DLGAP2: variants seen among roughly 807,000 people sequenced by gnomAD.
DLGAP2 encodes the protein disks large-associated protein 2.
Under a neutral mutation model 100.3 loss-of-function variants are expected in DLGAP2, and 26 were observed. The ratio of observed to expected loss-of-function variants is 0.26; its 90% confidence interval spans 0.19 to 0.36. The LOEUF is 0.36. Among genes scored for constraint, DLGAP2 ranks in the 10% least tolerant of loss-of-function variants. DLGAP2 has a pLI of 1.00. For synonymous variants in DLGAP2, 886 were observed against 630.1 expected, an observed-to-expected ratio of 1.41 and a Z score of -6.08; for missense variants, 1,858 against 1,453.2, an observed-to-expected ratio of 1.28 and a Z score of -4.53.
At chr8:973,045 T>C (rs1314858506) in intron 2 of DLGAP2, among the ~76,000 whole-genome samples, 1 of 152,228 alleles carries the variant, frequency 6.6e-6, no homozygotes, top group African/African-American at 2.4e-5. Context: ...ATCAATCTGA[T>C]TTCTCTATCT....
intron 3 of DLGAP2, among the ~76,000 whole-genome samples, chr8:1,426,705 T>C (rs1392302154): frequency 1.3e-5 from 2 of 152,140 alleles, no homozygotes; most frequent in Non-Finnish European, 1.5e-5. Flanking sequence ...AGACCAACAA[T>C]AGATTCTTCG....
intron 2 of DLGAP2, among the ~76,000 whole-genome samples, chr8:908,420 C>T (rs1262589511): frequency 6.6e-6 from 1 of 152,138 alleles, no homozygotes; most frequent in Non-Finnish European, 1.5e-5. Context: ...TTCTGGAAAC[C>T]CCCAAGGTCT....
intron 2 of DLGAP2, among the ~76,000 whole-genome samples, chr8:1,036,545 T>C (rs1802130633): frequency 6.6e-6 from 1 of 152,026 alleles, no homozygotes; most frequent in African/African-American, 2.4e-5. Flanking sequence ...CAGGTGCTGG[T>C]GAGAGTGTTG....
chr8:1,242,592 C>G (rs1295811978), intron 2 of DLGAP2, among the ~76,000 whole-genome samples: 1 of 152,234 alleles, frequency 6.6e-6, no homozygotes, highest in Non-Finnish European at 1.5e-5. Flanking sequence ...CTCGCCTGAG[C>G]CCTCTGCGCC....
intron 2 of DLGAP2, among the ~76,000 whole-genome samples, chr8:1,160,599 C>G (rs542400127): frequency 2.0e-5 from 3 of 152,180 alleles, no homozygotes; most frequent in African/African-American, 7.2e-5. Context: ...CAACTTAGTT[C>G]TATGTACAGG....
In DLGAP2 at chr8:1,179,045, G is replaced by C. The variant is rs570209343; in HGVS notation, c.74-79806G>C. Among the ~76,000 whole-genome samples, 7 of 152,340 alleles carry C rather than the reference G, an allele frequency of 4.6e-5. No homozygotes were observed. In the East Asian group the frequency reaches 1.4e-3, roughly 29 times the overall value. On this transcript the variant is annotated intron_variant, in intron 2 of 14. Transcript: ENST00000637795. ...AAACTCCCAGCTTCTATAAGGGGTT[G>C]AGTTTTAAGAGCATGTGCACACTTA...
At chr8:814,886 A>G (rs1405606972) in intron 1 of DLGAP2, among the ~76,000 whole-genome samples, 2 of 151,572 alleles carry the variant, frequency 1.3e-5, no homozygotes, top group Admixed American at 6.6e-5. Context: ...AATACTATCA[A>G]CATTATAGCC....
intron 3 of DLGAP2, among the ~76,000 whole-genome samples, chr8:1,350,951 T>TGC: frequency 2.2e-5 from 3 of 135,256 alleles, no homozygotes; most frequent in African/African-American, 9.0e-5. Context: ...GTCCTGAGTG[T>TGC]GTGTGGAAAG....
chr8:1,143,618 G>A (rs1796558231), intron 2 of DLGAP2, among the ~76,000 whole-genome samples: 1 of 152,214 alleles, frequency 6.6e-6, no homozygotes, highest in Non-Finnish European at 1.5e-5. Flanking sequence ...CAGTTCTGCA[G>A]GCGGCATCTG....
intron 3 of DLGAP2, among the ~76,000 whole-genome samples, chr8:1,359,715 C>T (rs1801935682): frequency 6.6e-6 from 1 of 152,248 alleles, no homozygotes; most frequent in Admixed American, 6.5e-5. Flanking sequence ...TCTTATAAAA[C>T]CCGCGCGTTC....
chr8:1,418,285 T>C (rs771030656), intron 3 of DLGAP2, among the ~76,000 whole-genome samples: 4 of 152,232 alleles, frequency 2.6e-5, no homozygotes, highest in African/African-American at 9.6e-5. Flanking sequence ...TTAAATAGTA[T>C]GGTCTAAAAA....
chr8:1,519,050 GGAGC>G (rs1297856219), intron 4 of DLGAP2, among the ~76,000 whole-genome samples: 1 of 152,164 alleles, frequency 6.6e-6, no homozygotes, highest in Non-Finnish European at 1.5e-5. Flanking sequence ...GCCACAGATA[GGAGC>G]CTGTGGTCCC....
intron 1 of DLGAP2, among the ~76,000 whole-genome samples, chr8:844,202 T>C (rs1797032372): frequency 6.6e-6 from 1 of 152,220 alleles, no homozygotes. Context: ...ATTAGTAATT[T>C]CTCTATTAGG....
chr8:1,321,733 A>G (rs1213677002), intron 3 of DLGAP2, among the ~76,000 whole-genome samples: 1 of 152,236 alleles, frequency 6.6e-6, no homozygotes, highest in Non-Finnish European at 1.5e-5. Context: ...CATTTATAAC[A>G]TCCAAAATTT....
chr8:1,553,315 C>G (rs1029028015), intron 5 of DLGAP2, among the ~76,000 whole-genome samples: 5 of 152,206 alleles, frequency 3.3e-5, no homozygotes, highest in Non-Finnish European at 7.3e-5. Context: ...CAACCCTGGC[C>G]CTCCTGGGGA....
At chr8:1,353,578 T>C (rs909810015) in intron 3 of DLGAP2, among the ~76,000 whole-genome samples, 1 of 152,210 alleles carries the variant, frequency 6.6e-6, no homozygotes, top group African/African-American at 2.4e-5. Flanking sequence ...TGACTTACAA[T>C]GCTTTCCATT....
Position 1,565,186 on chromosome 8 carries a change from G to A in DLGAP2, c.1231-497G>A, listed in dbSNP as rs1277961589. On this transcript the variant is annotated intron_variant, in intron 5 of 14. Transcript: ENST00000637795. ...GGGCAAGATCCTTTTGCAACTCTGA[G>A]TACTGAGAATTTGCATGTATGATAG... Among the ~76,000 whole-genome samples the A allele has an allele frequency of 2.0e-5, 3 of 152,324 alleles. No individual in the cohort carries two copies. In the East Asian group the frequency reaches 5.8e-4, roughly 29 times the overall value.
At chr8:1,534,125 CA>C (rs1488554173) in intron 4 of DLGAP2, among the ~76,000 whole-genome samples, 1 of 151,626 alleles carries the variant, frequency 6.6e-6, no homozygotes, top group East Asian at 1.9e-4. Flanking sequence ...TATAATCACC[CA>C]AAACCGTATA....
intron 3 of DLGAP2, among the ~76,000 whole-genome samples, chr8:1,481,710 TC>T (rs1189614339): frequency 1.3e-5 from 2 of 152,072 alleles, no homozygotes; most frequent in Non-Finnish European, 2.9e-5. Context: ...ACTCCTGACA[TC>T]AGGTGATCCA....
Sources: allele counts gnomAD v4.1 joint callset (sites outside exome capture counted in the v4.1 genomes callset), GRCh38; gene constraint gnomAD v4.1.1; transcripts MANE v1.5; gene names NCBI Gene and HGNC (gene_info 2026-07-23, HGNC 2026-07-21).